CTNNA1: variants seen among roughly 807,000 people sequenced by gnomAD.
The protein encoded by CTNNA1 is catenin alpha-1.
CTNNA1 carries 37 observed loss-of-function variants against 98.4 expected under a neutral mutation model. The ratio of observed to expected loss-of-function variants is 0.38; its 90% CI spans 0.29 to 0.49. The LOEUF (loss-of-function observed/expected upper bound fraction) is 0.49, where lower values mean the gene tolerates loss of function less well. CTNNA1 is among the 20% of genes least tolerant of loss of function. The probability of loss-of-function intolerance (pLI) is 0.95; values close to 1 mark genes in which losing one functional copy is unlikely to be tolerated. For synonymous variants in CTNNA1, 404 were observed against 413.2 expected (o/e 0.98, Z 0.27); for missense variants, 761 against 1,147.2 (o/e 0.66, Z 4.86).
At chr5:138,791,660 G>GAACAAGAA (rs1315320228) in intron 3 of CTNNA1, among the ~76,000 whole-genome samples, 1 of 108,754 alleles carries the variant, frequency 9.2e-6, no homozygotes, top group Admixed American at 9.7e-5. Context: ...GTTAGTTTTA[G>GAACAAGAA]AACAAGAAAG....
rs1461661758 is a variant in CTNNA1, at chr5:138,873,316, G to T, written c.1063-12896G>T. On this transcript the variant is annotated intron_variant, in intron 7 of 17. Coordinates refer to ENST00000302763, the MANE Select transcript of CTNNA1 (RefSeq NM_001903.5). This position sits in a 1 kb window ranked among gnomAD's most constrained non-coding sequence, Gnocchi z 6.1. ...TTACCCGCTGAGTGAAGATGGCATTGTCTGGTTCAGGAAAGTGTTCCTCGG... is the reference window on the plus strand; with the variant it reads ...TTACCCGCTGAGTGAAGATGGCATTTTCTGGTTCAGGAAAGTGTTCCTCGG... 6.2e-7 allele frequency: 1 copy of T among 1,614,068 alleles called. No homozygotes were observed. The highest frequency in any genetic ancestry group is 1.1e-5 in the South Asian group (1 of 91,078).
At chr5:138,805,471 C>T (rs1028956321) in intron 3 of CTNNA1, among the ~76,000 whole-genome samples, 6 of 152,030 alleles carry the variant, frequency 3.9e-5, no homozygotes, top group African/African-American at 1.4e-4. Flanking sequence ...AAAGTGATAT[C>T]TTTGTGTGGT....
chr5:138,833,197 C>T (rs943457795), intron 7 of CTNNA1, among the ~76,000 whole-genome samples: 2 of 152,166 alleles, frequency 1.3e-5, no homozygotes, highest in African/African-American at 4.8e-5. Flanking sequence ...TTGAAATGAA[C>T]TCCATTTGGT....
At chr5:138,878,800 T>C (rs1297990900) in intron 7 of CTNNA1, among the ~76,000 whole-genome samples, 1 of 152,208 alleles carries the variant, frequency 6.6e-6, no homozygotes, top group African/African-American at 2.4e-5. Context: ...AAATGTTTCT[T>C]TCATCATACC....
At chr5:138,845,109 T>C (rs1489526605) in intron 7 of CTNNA1, among the ~76,000 whole-genome samples, 1 of 152,220 alleles carries the variant, frequency 6.6e-6, no homozygotes, top group African/African-American at 2.4e-5. Context: ...AGAGATGTTT[T>C]GATCATATTG....
intron 9 of CTNNA1, among the ~76,000 whole-genome samples, chr5:138,888,825 C>T (rs747616382): frequency 7.2e-5 from 11 of 152,106 alleles, no homozygotes; most frequent in Non-Finnish European, 1.5e-4. Context: ...TAGGCGTGAG[C>T]CACTGCGCCT....
intron 1 of CTNNA1, among the ~76,000 whole-genome samples, chr5:138,760,316 T>G (rs764598946): frequency 4.0e-5 from 6 of 151,778 alleles, no homozygotes; most frequent in Non-Finnish European, 8.8e-5. Context: ...TTTTAAAGGC[T>G]GAATAATGTT....
In CTNNA1 at chr5:138,873,387, C is replaced by T. The variant is rs1750884096; in HGVS notation, c.1063-12825C>T. On this transcript the variant is annotated intron_variant, in intron 7 of 17. Transcript: ENST00000302763. This position sits in a 1 kb window ranked among gnomAD's most constrained non-coding sequence, Gnocchi z 6.1. ...GTAGTTGGGATTTCTTTGTCTCCCA[C>T]ATGGTAACTTGATGAGCTTATTCTT... 1.2e-6 allele frequency: 2 copies of T among 1,614,058 alleles called. No homozygotes were observed. Among genetic ancestry groups the T allele is most frequent in the Non-Finnish European group, 1.7e-6 (2 of 1,179,892 alleles).
intron 10 of CTNNA1, among the ~76,000 whole-genome samples, chr5:138,915,479 G>T (rs1056336489): frequency 3.9e-5 from 6 of 152,198 alleles, no homozygotes; most frequent in African/African-American, 1.2e-4. Flanking sequence ...ACACTGGTGG[G>T]ATGTAAAATG....
chr5:138,867,520 G>T (rs1764900615), intron 7 of CTNNA1, among the ~76,000 whole-genome samples: 1 of 152,114 alleles, frequency 6.6e-6, no homozygotes, highest in Admixed American at 6.5e-5. Flanking sequence ...AGCAACATGG[G>T]TATGAATTGT....
chr5:138,928,384 C>G (rs1179449967), intron 13 of CTNNA1, among the ~76,000 whole-genome samples: 1 of 151,876 alleles, frequency 6.6e-6, no homozygotes, highest in African/African-American at 2.4e-5. Context: ...GCCATATTCT[C>G]CCCTCTTTTC....
In CTNNA1 at chr5:138,887,508, G is replaced by A. The variant is rs1394423178; in HGVS notation, c.1162G>A (p.Asp388Asn). Residue 388 changes from aspartate (D) to asparagine (N), a missense_variant, in exon 9 of 18, where the codon GAC becomes AAC. Asp to Asn is a conservative substitution (Grantham distance 23). Transcript: ENST00000302763. The part of the protein sequence containing the change: ...LRRQLRKAVM[D>N]HVSDSFLETN... ...TCATTAGCTCCGCAAAGCTGTCATGGACCACGTTTCAGATTCTTTCCTGGA... is the reference window on the plus strand; with the variant it reads ...TCATTAGCTCCGCAAAGCTGTCATGAACCACGTTTCAGATTCTTTCCTGGA... The A allele has an allele frequency of 6.2e-7, 1 of 1,607,380 alleles. No homozygotes were observed. Among genetic ancestry groups the A allele is most frequent in the Non-Finnish European group, 8.5e-7 (1 of 1,177,392 alleles).
chr5:138,840,813 A>C (rs1762208430), intron 7 of CTNNA1, among the ~76,000 whole-genome samples: 1 of 152,244 alleles, frequency 6.6e-6, no homozygotes, highest in African/African-American at 2.4e-5. Context: ...TTAAGGATTA[A>C]ACAAATTGGG....
chr5:138,903,120 AC>A (rs1758436680), intron 9 of CTNNA1, among the ~76,000 whole-genome samples: 2 of 152,078 alleles, frequency 1.3e-5, no homozygotes, highest in African/African-American at 2.4e-5. Context: ...CAGAGATCTG[AC>A]TTTCCAGTTC....
chr5:138,850,928 T>C (rs1763127262), intron 7 of CTNNA1, among the ~76,000 whole-genome samples: 2 of 152,230 alleles, frequency 1.3e-5, no homozygotes, highest in African/African-American at 2.4e-5. Flanking sequence ...TCTTTAACTT[T>C]AGCCATGCAC....
intron 12 of CTNNA1, 90 bp downstream of exon 12, chr5:138,924,800 G>A (rs1763657482): frequency 1.3e-5 from 15 of 1,191,730 alleles, no homozygotes; most frequent in Non-Finnish European, 1.7e-5. Flanking sequence ...GGTGAGGAAG[G>A]AGGAGTTGGG....
chr5:138,806,708 C>T (rs994973272), intron 3 of CTNNA1, among the ~76,000 whole-genome samples: 7 of 151,984 alleles, frequency 4.6e-5, no homozygotes, highest in African/African-American at 1.7e-4. Context: ...CTCAGTTAGA[C>T]TAGATAATTC....
At chr5:138,866,273 C>CAATT (rs1554092190) in intron 7 of CTNNA1, among the ~76,000 whole-genome samples, 1 of 138,546 alleles carries the variant, frequency 7.2e-6, no homozygotes, top group Non-Finnish European at 1.6e-5. Context: ...TGTTGTAACT[C>CAATT]ATTTATTTAT....
chr5:138,930,807 C>CTTG, intron 15 of CTNNA1, 23 bp from the exon 16 acceptor site: 1 of 1,559,212 alleles, frequency 6.4e-7, no homozygotes, highest in Non-Finnish European at 8.8e-7. Flanking sequence ...TACAATAATC[C>CTTG]TTGTTCTCTT....
Sources: gnomAD v4.1 joint callset for allele counts (sites outside exome capture counted in the v4.1 genomes callset) on GRCh38, gnomAD v4.1.1 for gene constraint, Gnocchi (gnomAD v3.1) non-coding constraint, MANE v1.5 for transcripts, NCBI Gene and HGNC (gene_info 2026-07-23, HGNC 2026-07-21) for gene names.